PTPRD: variants seen among roughly 807,000 people sequenced by gnomAD.
PTPRD encodes the protein receptor-type tyrosine-protein phosphatase delta.
A neutral mutation model predicts 214.5 loss-of-function variants in PTPRD; 34 were observed. The ratio of observed to expected loss-of-function variants is 0.16; its 90% CI spans 0.12 to 0.21. PTPRD has a LOEUF of 0.21. PTPRD is among the 10% of genes least tolerant of loss of function. PTPRD has a pLI of 1.00. For missense variants in PTPRD, 2,545 were observed against 2,398.7 expected (o/e 1.06, Z -1.27); for synonymous variants, 1,128 against 845.7 (o/e 1.33, Z -5.79).
At chr9:9,911,230 A>T (rs2079092199) in intron 5 of PTPRD, among the ~76,000 whole-genome samples, 1 of 152,108 alleles carries the variant, frequency 6.6e-6, no homozygotes, top group African/African-American at 2.4e-5. Flanking sequence ...GTCAGGAAAC[A>T]AATTCCAAGG....
intron 35 of PTPRD, among the ~76,000 whole-genome samples, chr9:8,429,626 G>T (rs1339455318): frequency 6.6e-6 from 1 of 152,042 alleles, no homozygotes; most frequent in African/African-American, 2.4e-5. Flanking sequence ...CATATAAAAG[G>T]GTCATTATCA....
At chr9:10,205,113 T>C (rs2099463041) in intron 3 of PTPRD, among the ~76,000 whole-genome samples, 1 of 152,116 alleles carries the variant, frequency 6.6e-6, no homozygotes, top group Non-Finnish European at 1.5e-5. Context: ...TATATGTGTA[T>C]TTATTTATAA....
chr9:8,610,449 G>A (rs1409561107), intron 14 of PTPRD, among the ~76,000 whole-genome samples: 3 of 152,042 alleles, frequency 2.0e-5, no homozygotes, highest in South Asian at 4.1e-4. Context: ...TTTTTCTGGT[G>A]CCCAGCCCAG....
chr9:9,578,468 G>C (rs908116017), intron 7 of PTPRD, among the ~76,000 whole-genome samples: 30 of 152,074 alleles, frequency 2.0e-4, no homozygotes, highest in African/African-American at 6.0e-4. Flanking sequence ...ATTTTGCAAG[G>C]AGTCCAAAAA....
intron 35 of PTPRD, among the ~76,000 whole-genome samples, chr9:8,431,115 G>A (rs886079761): frequency 1.3e-5 from 2 of 152,170 alleles, no homozygotes; most frequent in Admixed American, 1.3e-4. Flanking sequence ...TGAGTGGACT[G>A]TTAGCAGTTA....
At chr9:10,479,691 G>A (rs2099085550) in intron 2 of PTPRD, among the ~76,000 whole-genome samples, 1 of 112,226 alleles carries the variant, frequency 8.9e-6, no homozygotes, top group African/African-American at 3.5e-5. Context: ...CAAGCATAGT[G>A]GTGTGCACTG....
chr9:8,784,254 G>A (rs2095851221), intron 11 of PTPRD, among the ~76,000 whole-genome samples: 2 of 152,146 alleles, frequency 1.3e-5, no homozygotes, highest in African/African-American at 2.4e-5. Context: ...ACCTGGAAAG[G>A]TTATTTTTAA....
intron 31 of PTPRD, among the ~76,000 whole-genome samples, chr9:8,469,715 T>G (rs746092325): frequency 8.5e-5 from 13 of 152,102 alleles, no homozygotes; most frequent in Admixed American, 1.3e-4. Flanking sequence ...GATGACATTA[T>G]TGAAATAATG....
chr9:9,818,699 C>T (rs2049617310), intron 5 of PTPRD, among the ~76,000 whole-genome samples: 1 of 151,874 alleles, frequency 6.6e-6, no homozygotes, highest in East Asian at 1.9e-4. Flanking sequence ...GGGTGGACCA[C>T]GAGGTCAGGA....
At chr9:9,352,746 G>C (rs1382333062) in intron 9 of PTPRD, among the ~76,000 whole-genome samples, 1 of 151,868 alleles carries the variant, frequency 6.6e-6, no homozygotes, top group Non-Finnish European at 1.5e-5. Flanking sequence ...CATAGTCTCA[G>C]AACTATCTTG....
chr9:8,944,463 G>A (rs1281168332), intron 11 of PTPRD, among the ~76,000 whole-genome samples: 2 of 152,064 alleles, frequency 1.3e-5, no homozygotes, highest in South Asian at 2.1e-4. Flanking sequence ...CATGTTTACT[G>A]CAGCACTACA....
intron 11 of PTPRD, among the ~76,000 whole-genome samples, chr9:8,762,444 T>C (rs994602184): frequency 6.6e-6 from 1 of 152,052 alleles, no homozygotes; most frequent in Non-Finnish European, 1.5e-5. Flanking sequence ...TAATAATAAA[T>C]AATGAGAATA....
chr9:9,892,982 T>A (rs949257031), intron 5 of PTPRD, among the ~76,000 whole-genome samples: 3 of 152,076 alleles, frequency 2.0e-5, no homozygotes, highest in Non-Finnish European at 4.4e-5. Context: ...ACAGTGGTGT[T>A]AGATCATAAA....
intron 3 of PTPRD, among the ~76,000 whole-genome samples, chr9:10,259,957 T>A (rs1327478660): frequency 6.6e-6 from 1 of 152,188 alleles, no homozygotes; most frequent in Admixed American, 6.5e-5. Flanking sequence ...CCACACTCCC[T>A]TTCACAGTGG....
chr9:10,461,599 A>G (rs1002124791), intron 2 of PTPRD, among the ~76,000 whole-genome samples: 3 of 151,430 alleles, frequency 2.0e-5, no homozygotes, highest in African/African-American at 7.3e-5. Flanking sequence ...AACATGTTGC[A>G]TGATCTTCCT....
intron 27 of PTPRD, among the ~76,000 whole-genome samples, chr9:8,489,401 G>A (rs1190390468): frequency 6.6e-6 from 1 of 152,124 alleles, no homozygotes; most frequent in African/African-American, 2.4e-5. Flanking sequence ...ATCTCAGTCT[G>A]CTCTCTATTG....
intron 12 of PTPRD, among the ~76,000 whole-genome samples, chr9:8,692,628 T>G (rs546719542): frequency 2.6e-5 from 4 of 152,208 alleles, no homozygotes; most frequent in Non-Finnish European, 5.9e-5. Context: ...GCCCTATCTG[T>G]CTCAAAAAGC....
chr9:8,450,738 ATTTC>A (rs1390758605), intron 33 of PTPRD, among the ~76,000 whole-genome samples: 1 of 152,190 alleles, frequency 6.6e-6, no homozygotes, highest in Non-Finnish European at 1.5e-5. Flanking sequence ...TGTATATAAG[ATTTC>A]TTTATCCAAT....
rs144045895 is a variant in PTPRD at position 10,243,453 on chromosome 9, A to G, written c.-545+97510T>C. Among the ~76,000 whole-genome samples the G allele has an allele frequency of 1.7e-3, 258 of 152,138 alleles. 1 individual carries two copies. The highest frequency in any genetic ancestry group is 5.8e-3 in the African/African-American group (239 of 41,540). On this transcript the variant is annotated intron_variant, in intron 3 of 45. Transcript: ENST00000381196. The stretch of plus-strand genomic sequence containing the variant: ...TTTATTAGTCAAAACTTACATTTCT[A>G]TAACACTACAGATTTATATTTATGG...
Sources: allele counts gnomAD v4.1 joint callset (sites outside exome capture counted in the v4.1 genomes callset), GRCh38; gene constraint gnomAD v4.1.1; transcripts MANE v1.5; gene names NCBI Gene and HGNC (gene_info 2026-07-23, HGNC 2026-07-21).